Variants in PTPN13 observed in about 807,000 individuals in gnomAD.
PTPN13 encodes the protein protein tyrosine phosphatase non-receptor type 13.
In PTPN13, 191 loss-of-function variants were observed where a neutral mutation model predicts 284.0. That is an observed-to-expected ratio of 0.67 (90% confidence interval 0.60 to 0.76). PTPN13 has a LOEUF of 0.76. Ranked by LOEUF, PTPN13 falls within the 30% of genes least tolerant of loss-of-function variation. PTPN13 has a pLI of 0.00. For missense variants in PTPN13, 2,797 were observed against 2,939.9 expected (o/e 0.95, Z 1.12); for synonymous variants, 986 against 1,022.3 (o/e 0.96, Z 0.68).
chr4:86,675,359 G>A (rs781323489), intron 3 of PTPN13, among the ~76,000 whole-genome samples: 16 of 152,094 alleles, frequency 1.1e-4, no homozygotes, highest in Non-Finnish European at 2.1e-4. Context: ...TGAAGCAAAG[G>A]TCAGAAGAGT....
intron 7 of PTPN13, among the ~76,000 whole-genome samples, chr4:86,705,418 G>A (rs1370662964): frequency 1.3e-5 from 2 of 150,680 alleles, no homozygotes; most frequent in Admixed American, 1.3e-4. Flanking sequence ...AAAAAGAATA[G>A]AAAATCATGT....
chr4:86,771,726 A>G (rs968240342), intron 31 of PTPN13, among the ~76,000 whole-genome samples, 191 bp downstream of exon 31: 1 of 152,142 alleles, frequency 6.6e-6, no homozygotes, highest in African/African-American at 2.4e-5. Context: ...TAAGCTCTCT[A>G]GTCAGTCAGC....
rs371417602 is a variant in PTPN13, at chr4:86,635,308, G to A, written c.52G>A (p.Glu18Lys). 11 of 1,608,136 alleles carry A rather than the reference G, an allele frequency of 6.8e-6. No homozygotes were observed. The African/African-American group carries it at 1.2e-4, about 18-fold the overall frequency. ...ALEVRGGPLQEEEIWAVLNQS... is the reference protein window; with the variant it reads ...ALEVRGGPLQKEEIWAVLNQS... ...GGAGGTTCGGGGTGGACCACTTCAG[G>A]AGGAAGAAATATGGGCTGTATTAAA... Residue 18 changes from glutamate (E) to lysine (K), a missense_variant, in exon 2 of 48, where the codon GAG (glutamate) becomes AAG (lysine). Coordinates refer to ENST00000411767, the MANE Select transcript of PTPN13 (RefSeq NM_080683.3).
chr4:86,701,818 A>G lies in PTPN13; in HGVS notation c.1195+17A>G. On this transcript the variant is annotated intron_variant, in intron 7 of 47. Transcript: ENST00000411767. ...ATGTAGAAGGTTAGTAATTCTGTGC[A>G]TGTTTGAGAAAGAATTGAAGTATTT... The G allele has an allele frequency of 6.4e-7, 1 of 1,556,082 alleles. No homozygotes were observed.
At chr4:86,707,934 G>A (rs1179723348) in intron 7 of PTPN13, among the ~76,000 whole-genome samples, 1 of 152,120 alleles carries the variant, frequency 6.6e-6, no homozygotes, top group African/African-American at 2.4e-5. Flanking sequence ...AATATATTTT[G>A]TTTCTCTGAA....
At position 86,775,215 on chromosome 4, in the gene PTPN13, T is replaced by C. The variant is rs1278029267; in HGVS notation, c.5553T>C (p.Val1851=). 1.2e-6 allele frequency: 2 copies of C among 1,613,050 alleles called. No homozygotes were observed. Among genetic ancestry groups the C allele is most frequent in the East Asian group, 2.2e-5 (1 of 44,866 alleles). The change falls in exon 34 of 48, where the codon GTT becomes GTC. Residue 1851 remains valine (V), a synonymous_variant. Transcript: ENST00000411767. ...DVTNMTHTDA[V]NLLRAASKTV... The stretch of plus-strand genomic sequence containing the variant: ...CTAATATGACTCATACAGATGCAGT[T>C]AATCTGCTCCGGGCTGCATCCAAAA...
chr4:86,738,037 C>T (rs953021295), intron 15 of PTPN13, among the ~76,000 whole-genome samples: 3 of 152,030 alleles, frequency 2.0e-5, no homozygotes, highest in Non-Finnish European at 4.4e-5. Context: ...TAGAATAATA[C>T]TTTTAAGATT....
chr4:86,594,817 G>A (rs958072553), intron 1 of PTPN13, 28 bp downstream of exon 1: 3 of 152,342 alleles, frequency 2.0e-5, no homozygotes, highest in Admixed American at 2.0e-4. Context: ...CCTGGGCTCT[G>A]CGCTGCATGT....
At chr4:86,776,666 C>T (rs138117060) in intron 35 of PTPN13, among the ~76,000 whole-genome samples, 1 of 152,192 alleles carries the variant, frequency 6.6e-6, no homozygotes, top group South Asian at 2.1e-4. Context: ...AGCTTATTAG[C>T]CTAGCCTAGC....
chr4:86,602,526 G>A (rs150630788), intron 1 of PTPN13, among the ~76,000 whole-genome samples: 1 of 151,872 alleles, frequency 6.6e-6, no homozygotes, highest in African/African-American at 2.4e-5. Context: ...CTTAAATATG[G>A]TTTCTTGTTT....
intron 6 of PTPN13, among the ~76,000 whole-genome samples, chr4:86,699,533 ATG>A (rs1730932013): frequency 6.6e-6 from 1 of 152,234 alleles, no homozygotes; most frequent in Non-Finnish European, 1.5e-5. Flanking sequence ...AATGTGGAGA[ATG>A]AGGAAAAGTG....
At chr4:86,789,442 A>G (rs1054953181) in intron 40 of PTPN13, among the ~76,000 whole-genome samples, 12 of 152,158 alleles carry the variant, frequency 7.9e-5, no homozygotes, top group Non-Finnish European at 1.5e-4. Flanking sequence ...TGTGCTTGTA[A>G]GAGCCTCCTA....
intron 25 of PTPN13, 77 bp downstream of exon 25, chr4:86,764,801 G>T: frequency 6.8e-7 from 1 of 1,470,758 alleles, no homozygotes; most frequent in South Asian, 1.4e-5. Context: ...CTTTTTAATT[G>T]AATTATTTTG....
intron 10 of PTPN13, among the ~76,000 whole-genome samples, chr4:86,731,880 G>A (rs968120685): frequency 3.9e-5 from 6 of 152,090 alleles, no homozygotes; most frequent in Admixed American, 1.3e-4. Context: ...GGCCTCAAGC[G>A]ATCCTCCTGC....
At chr4:86,695,973 G>T (rs950040582) in intron 6 of PTPN13, among the ~76,000 whole-genome samples, 2 of 151,878 alleles carry the variant, frequency 1.3e-5, no homozygotes, top group African/African-American at 4.8e-5. Context: ...AAAAAGGTGA[G>T]CCTTGCAATA....
chr4:86,722,482 G>A (rs770734321), intron 10 of PTPN13, 48 bp downstream of exon 10: 63 of 1,496,254 alleles, frequency 4.2e-5, no homozygotes, highest in Non-Finnish European at 5.7e-5. Flanking sequence ...CTCTCACAGG[G>A]AACTCTTGGG....
At chr4:86,754,345 AATACCTTAGTTATTAACATGTCC>A (rs1278952851) in intron 20 of PTPN13, among the ~76,000 whole-genome samples, 19 of 152,186 alleles carry the variant, frequency 1.2e-4, no homozygotes, top group African/African-American at 4.6e-4. Flanking sequence ...ATATACCTGA[AATACCTTAGTTATTAACATGTCC>A]ATATGGTAGT....
chr4:86,623,742 C>T (rs1400382975), intron 1 of PTPN13, among the ~76,000 whole-genome samples: 2 of 152,182 alleles, frequency 1.3e-5, no homozygotes, highest in Non-Finnish European at 2.9e-5. Flanking sequence ...TGTATATGCA[C>T]ATCTCACTCT....
At chr4:86,675,769 T>A (rs1728206060) in intron 3 of PTPN13, among the ~76,000 whole-genome samples, 1 of 152,186 alleles carries the variant, frequency 6.6e-6, no homozygotes, top group African/African-American at 2.4e-5. Flanking sequence ...CTTTTCTCTT[T>A]TATTGGGTAA....
Sources: gnomAD v4.1 joint callset for allele counts (sites outside exome capture counted in the v4.1 genomes callset) on GRCh38, gnomAD v4.1.1 for gene constraint, MANE v1.5 for transcripts, NCBI Gene and HGNC (gene_info 2026-07-23, HGNC 2026-07-21) for gene names.